RIOK3: variants seen among roughly 807,000 people sequenced by gnomAD.
RIOK3 encodes RIO kinase 3, also known as serine/threonine-protein kinase RIO3.
A neutral mutation model predicts 63.5 loss-of-function variants in RIOK3; 40 were observed. That is an observed-to-expected ratio of 0.63 (90% CI 0.49 to 0.82). The LOEUF is 0.82. Ranked by LOEUF, RIOK3 falls within the 40% of genes least tolerant of loss-of-function variation. The probability of loss-of-function intolerance (pLI) is 0.00; values close to 1 mark genes in which losing one functional copy is unlikely to be tolerated. For missense variants in RIOK3, 557 were observed against 637.0 expected (o/e 0.87, Z 1.35); for synonymous variants, 193 against 205.0 (o/e 0.94, Z 0.50).
At chr18:23,454,001 G>A (rs1365060651) in intron 1 of RIOK3, among the ~76,000 whole-genome samples, 1 of 152,200 alleles carries the variant, frequency 6.6e-6, no homozygotes, top group African/African-American at 2.4e-5. Flanking sequence ...CCTCGACGCT[G>A]AAATTCAAGT....
intron 11 of RIOK3, among the ~76,000 whole-genome samples, chr18:23,478,848 T>G (rs1399283056): frequency 6.6e-6 from 1 of 152,120 alleles, no homozygotes; most frequent in Non-Finnish European, 1.5e-5. Context: ...CCTTTACATA[T>G]TCAAAGCAAT....
At position 23,465,397 on chromosome 18, in the gene RIOK3, T is replaced by C. The variant is rs922676717; in HGVS notation, c.544-736T>C. On this transcript the variant is annotated intron_variant, in intron 5 of 12. Transcript: ENST00000339486. ...AAAAAAACAAACAAAAAAAAAGCAT[T>C]CTAAATCCTTCATAAATATTGTGGT... Among the ~76,000 whole-genome samples the C allele has an allele frequency of 3.9e-5, 6 of 152,082 alleles. No homozygotes were observed. In the East Asian group the frequency reaches 5.8e-4, roughly 15 times the overall value.
At chr18:23,455,779 C>T (rs1267766270) in intron 1 of RIOK3, among the ~76,000 whole-genome samples, 4 of 151,812 alleles carry the variant, frequency 2.6e-5, no homozygotes, top group African/African-American at 7.3e-5. Context: ...GACTACAGGC[C>T]AGTGCCACCA....
chr18:23,480,555 GCACACACACACACACA>G (rs59552026), intron 12 of RIOK3, among the ~76,000 whole-genome samples: 8 of 141,990 alleles, frequency 5.6e-5, no homozygotes, highest in Admixed American at 7.0e-5. Context: ...TTGGATGCAC[GCACACACACACACACA>G]CACACACACA....
intron 1 of RIOK3, among the ~76,000 whole-genome samples, chr18:23,458,798 A>G (rs2057356551): frequency 6.6e-6 from 1 of 152,220 alleles, no homozygotes; most frequent in Non-Finnish European, 1.5e-5. Flanking sequence ...CCTATAGGGA[A>G]AACGCAGCGG....
At chr18:23,476,640 T>TG (rs72529000) in intron 9 of RIOK3, among the ~76,000 whole-genome samples, 144,485 of 152,258 alleles carry the variant, frequency 0.95, 68,609 homozygotes, top group African/African-American at 0.96. Context: ...CTGGGCGCAG[T>TG]GCTCACGCCT....
chr18:23,479,374 G>C lies in RIOK3; in HGVS notation c.1402G>C (p.Val468Leu), dbSNP rs761159341. 23 of 1,613,760 alleles carry C rather than the reference G, an allele frequency of 1.4e-5. No homozygotes were observed. Among genetic ancestry groups the C allele is most frequent in the Non-Finnish European group, 1.8e-5 (21 of 1,179,850 alleles). The change falls in exon 12 of 13, where the codon GTT (valine) becomes CTT (leucine). Residue 468 changes from valine (V) to leucine (L), a missense_variant. Val to Leu is a conservative substitution (Grantham distance 32). Around this residue, in one of 3 missense-constraint regions of RIOK3, gnomAD observed 309 missense variants for 338.7 expected, o/e 0.91. Transcript: ENST00000339486. ...TAGTGAACGAGAACTCTTCAATGCT[G>C]TTTCAGGCTTAAACATCACAGCAGA... ...ALSERELFNA[V>L]SGLNITADNE...
At chr18:23,476,300 C>T (rs2057490552) in intron 9 of RIOK3, among the ~76,000 whole-genome samples, 1 of 152,144 alleles carries the variant, frequency 6.6e-6, no homozygotes. Flanking sequence ...TGCCATTATC[C>T]CTCTGTGTTT....
intron 9 of RIOK3, among the ~76,000 whole-genome samples, chr18:23,476,260 C>T (rs1157540172): frequency 5.3e-5 from 8 of 152,136 alleles, no homozygotes; most frequent in Admixed American, 5.2e-4. Context: ...AATCTGAGGG[C>T]CTTCCAGGTT....
chr18:23,453,739 T>C (rs2057320052), intron 1 of RIOK3, among the ~76,000 whole-genome samples: 1 of 152,226 alleles, frequency 6.6e-6, no homozygotes, highest in African/African-American at 2.4e-5. Context: ...GCTCTCTATT[T>C]CTTCAGCGTA....
intron 7 of RIOK3, among the ~76,000 whole-genome samples, chr18:23,470,828 CT>C (rs1345328653): frequency 6.6e-6 from 1 of 152,196 alleles, no homozygotes; most frequent in African/African-American, 2.4e-5. Context: ...ATAAATTGGA[CT>C]CTATCCTAGA....
intron 2 of RIOK3, chr18:23,463,409 C>CTTTT (rs5823391): frequency 5.2e-5 from 7 of 134,992 alleles, no homozygotes; most frequent in South Asian, 2.3e-4. Context: ...TCCAGACTTT[C>CTTTT]TTTTTTTTTT....
Position 23,481,499 on chromosome 18 carries a change from A to C in RIOK3, c.*220A>C. ...TCTCATCTTATGAACAGGATAATAT[A>C]ATTCTTTAACAGCTATAGGTTATCT... On this transcript the variant is annotated 3_prime_UTR_variant, in exon 13 of 13. Transcript: ENST00000339486. 4.8e-6 allele frequency: 2 copies of C among 412,652 alleles called. No homozygotes were observed. Among genetic ancestry groups the C allele is most frequent in the South Asian group, 6.8e-5 (1 of 14,694 alleles). The allele number at this position is 412,652 out of a possible 1,614,324, so 25.6% of individuals were successfully genotyped here. A position where few individuals can be genotyped will look rare whatever the true frequency, so the allele number is the denominator to read the frequency against.
At chr18:23,460,231 G>C (rs1381872031) in intron 1 of RIOK3, among the ~76,000 whole-genome samples, 1 of 152,232 alleles carries the variant, frequency 6.6e-6, no homozygotes, top group Non-Finnish European at 1.5e-5. Context: ...GGGACTGCAG[G>C]CATTTGCCAC....
In RIOK3 at chr18:23,483,082, C is replaced by T. The variant is rs750610448; in HGVS notation, c.*1803C>T. 1.3e-5 allele frequency: 2 copies of T among 152,166 alleles called. No homozygotes were observed. The highest frequency in any genetic ancestry group is 2.4e-5 in the African/African-American group (1 of 41,426). 9.4% of individuals were successfully genotyped at this position (152,166 alleles called of 1,614,324 possible). On this transcript the variant is annotated 3_prime_UTR_variant, in exon 13 of 13. Coordinates refer to ENST00000339486, the MANE Select transcript of RIOK3 (RefSeq NM_003831.5). ...CAGCAAACCACTGCTGTGTGGCATT[C>T]TTGGAGTGTGCTGTGAATGTGCTTT...
At chr18:23,479,147 G>A (rs2057514169) in intron 11 of RIOK3, 170 bp from the exon 12 acceptor site, 1 of 521,054 alleles carries the variant, frequency 1.9e-6, no homozygotes, top group Non-Finnish European at 3.5e-6. Flanking sequence ...TAAAAACTAG[G>A]TTATTCCTAA....
chr18:23,471,031 G>A (rs972912486), intron 7 of RIOK3, among the ~76,000 whole-genome samples: 1 of 152,310 alleles, frequency 6.6e-6, no homozygotes, highest in South Asian at 2.1e-4. Flanking sequence ...CAGCTGTCAA[G>A]TACCAGGTAC....
At chr18:23,466,365 G>A (rs2057408006) in intron 6 of RIOK3, 89 bp downstream of exon 6, 1 of 1,097,956 alleles carries the variant, frequency 9.1e-7, no homozygotes, top group East Asian at 2.8e-5. Context: ...CTTCATGTTT[G>A]ATATTTTTTC....
At chr18:23,477,836 A>G (rs1217604743) in intron 11 of RIOK3, among the ~76,000 whole-genome samples, 1 of 147,824 alleles carries the variant, frequency 6.8e-6, no homozygotes, top group African/African-American at 2.5e-5. Flanking sequence ...TTGGGAGGCC[A>G]AGGTGGGTGG....
Sources: allele counts gnomAD v4.1 joint callset (sites outside exome capture counted in the v4.1 genomes callset), GRCh38; gene constraint gnomAD v4.1.1; regional missense constraint gnomAD v4.1.1; transcripts MANE v1.5; gene names NCBI Gene and HGNC (gene_info 2026-07-23, HGNC 2026-07-21).